TEKT5: variants seen among roughly 807,000 people sequenced by gnomAD.
TEKT5 encodes the protein tektin-5.
TEKT5 carries 52 observed loss-of-function variants against 48.7 expected under a neutral mutation model. The observed-to-expected ratio is 1.07, with a 90% CI of 0.86 to 1.35. TEKT5 has a LOEUF of 1.35. TEKT5 is among the 40% of genes most tolerant of loss of function. The pLI is 0.00. For synonymous variants in TEKT5, 318 were observed against 267.6 expected (o/e 1.19, Z -1.84); for missense variants, 831 against 641.6 (o/e 1.30, Z -3.19).
At chr16:10,675,063 T>G (rs1203390567) in intron 5 of TEKT5, among the ~76,000 whole-genome samples, 1 of 152,128 alleles carries the variant, frequency 6.6e-6, no homozygotes, top group African/African-American at 2.4e-5. Context: ...TGGCCTCAAA[T>G]GATCTGCCCG....
chr16:10,673,974 G>C (rs926910810), intron 5 of TEKT5, among the ~76,000 whole-genome samples: 3 of 151,940 alleles, frequency 2.0e-5, no homozygotes, highest in Admixed American at 6.6e-5. Context: ...CTTAACCTCT[G>C]CGTCCCTTCT....
At chr16:10,679,811 C>T (rs978743859) in intron 4 of TEKT5, among the ~76,000 whole-genome samples, 2 of 152,148 alleles carry the variant, frequency 1.3e-5, no homozygotes, top group East Asian at 1.9e-4. Context: ...GCAGGAGCAT[C>T]GCTTGAACCC....
rs574997164 is a variant in TEKT5, at chr16:10,690,913, G to A, written c.565-888C>T. Reference sequence around the variant, plus strand: ...AGAAATGGGAGGGGGTCACTGACCCGTGCCACAAGGATTTCCGGAGCCCCT... The same window carrying A: ...AGAAATGGGAGGGGGTCACTGACCCATGCCACAAGGATTTCCGGAGCCCCT... On this transcript the variant is annotated intron_variant, in intron 1 of 6. Coordinates refer to ENST00000283025, the MANE Select transcript of TEKT5 (RefSeq NM_144674.2). 1.1e-4 allele frequency among the ~76,000 whole-genome samples: 16 copies of A among 152,308 alleles called. No homozygotes were observed. In the East Asian group the frequency reaches 1.4e-3, roughly 13 times the overall value.
At chr16:10,646,904 C>A (rs12926860) in intron 5 of TEKT5, among the ~76,000 whole-genome samples, 1 of 152,062 alleles carries the variant, frequency 6.6e-6, no homozygotes, top group Admixed American at 6.6e-5. Context: ...ACACTCAATG[C>A]GGCAACACCT....
At chr16:10,678,668 A>G (rs1452083622) in intron 4 of TEKT5, among the ~76,000 whole-genome samples, 22 of 152,204 alleles carry the variant, frequency 1.4e-4, no homozygotes, top group Admixed American at 1.4e-3. Context: ...GGAGACAATA[A>G]GGACAGCAGA....
chr16:10,639,660 A>T (rs1006283573), intron 5 of TEKT5, among the ~76,000 whole-genome samples: 6 of 152,236 alleles, frequency 3.9e-5, no homozygotes, highest in Admixed American at 6.5e-5. Flanking sequence ...ATAAGACACC[A>T]ATACATTGAA....
chr16:10,692,052 G>C (rs1171923027), intron 1 of TEKT5, among the ~76,000 whole-genome samples: 1 of 152,152 alleles, frequency 6.6e-6, no homozygotes, highest in East Asian at 1.9e-4. Context: ...GGGAGACCAG[G>C]TGGCTTACAT....
intron 4 of TEKT5, among the ~76,000 whole-genome samples, chr16:10,677,482 C>T (rs970916155): frequency 2.7e-5 from 4 of 145,856 alleles, no homozygotes; most frequent in Non-Finnish European, 4.4e-5. Flanking sequence ...TGGTGGCACA[C>T]GCCTGTAATC....
At chr16:10,681,559 G>T (rs1005064898) in intron 4 of TEKT5, among the ~76,000 whole-genome samples, 1 of 151,614 alleles carries the variant, frequency 6.6e-6, no homozygotes, top group Non-Finnish European at 1.5e-5. Context: ...GCCGACCCCA[G>T]TTGGTCTCCC....
At chr16:10,673,531 C>T (rs751974013) in intron 5 of TEKT5, among the ~76,000 whole-genome samples, 3 of 152,096 alleles carry the variant, frequency 2.0e-5, no homozygotes, top group Non-Finnish European at 4.4e-5. Context: ...TTGCCTTCTC[C>T]AGGTATCTCA....
chr16:10,687,353 A>G (rs918993530), intron 3 of TEKT5, among the ~76,000 whole-genome samples: 18 of 152,254 alleles, frequency 1.2e-4, no homozygotes, highest in Non-Finnish European at 2.2e-4. Flanking sequence ...TCAATTAAAA[A>G]TGAATAAGTA....
At chr16:10,658,308 G>A (rs1035620744) in intron 5 of TEKT5, among the ~76,000 whole-genome samples, 1 of 152,124 alleles carries the variant, frequency 6.6e-6, no homozygotes, top group Non-Finnish European at 1.5e-5. Flanking sequence ...CAAAAGATTT[G>A]TGCAAGAATG....
Position 10,689,966 on chromosome 16 carries a change from G to T in TEKT5, c.624C>A (p.Asp208Glu), listed in dbSNP as rs760802490. ...EKRIGIDLVH[D>E]NVEKNLIREV... ...CCCGGATAAGGTTTTTCTCCACGTT[G>T]TCATGGACCAAATCAATCCCAATCC... Residue 208 changes from aspartate to glutamate, a missense_variant, in exon 2 of 7, where the codon GAC (aspartate) becomes GAA (glutamate). Transcript: ENST00000283025. 2 of 1,614,054 alleles carry T rather than the reference G, an allele frequency of 1.2e-6. No homozygotes were observed. The highest frequency in any genetic ancestry group is 1.7e-6 in the Non-Finnish European group (2 of 1,180,004).
Position 10,627,535 on chromosome 16 carries a change from G to T in TEKT5, c.*48C>A. 6.3e-7 allele frequency: 1 copy of T among 1,594,330 alleles called. No homozygotes were observed. Among genetic ancestry groups the T allele is most frequent in the Non-Finnish European group, 8.6e-7 (1 of 1,163,296 alleles). On this transcript the variant is annotated 3_prime_UTR_variant, in exon 7 of 7. Transcript: ENST00000283025. ...AAATACTGTTTTACTTTGTTTCTCA[G>T]CCTTTTCCAATTTTACGCCAGCGCG... is the stretch of plus-strand genomic sequence containing the variant.
At chr16:10,679,721 C>T (rs1393476816) in intron 4 of TEKT5, among the ~76,000 whole-genome samples, 2 of 151,744 alleles carry the variant, frequency 1.3e-5, no homozygotes, top group African/African-American at 4.8e-5. Flanking sequence ...ATGCAGAAAC[C>T]CCATCTCTAT....
chr16:10,690,135 C>T (rs776227933), intron 1 of TEKT5, 110 bp from the exon 2 acceptor site: 7 of 1,174,984 alleles, frequency 6.0e-6, no homozygotes, highest in Non-Finnish European at 8.5e-6. Context: ...TCCCGGAAAC[C>T]TGGGTGCTTC....
intron 6 of TEKT5, among the ~76,000 whole-genome samples, 177 bp from the exon 7 acceptor site, chr16:10,627,976 A>G (rs1567222470): frequency 6.6e-6 from 1 of 151,734 alleles, no homozygotes; most frequent in African/African-American, 2.4e-5. Context: ...AGTAGCTGGG[A>G]TTACGGGCAT....
At chr16:10,643,678 C>T (rs1596403011) in intron 5 of TEKT5, among the ~76,000 whole-genome samples, 1 of 152,170 alleles carries the variant, frequency 6.6e-6, no homozygotes, top group East Asian at 1.9e-4. Flanking sequence ...ATATTGACAA[C>T]ATGTAAAAAT....
intron 6 of TEKT5, among the ~76,000 whole-genome samples, chr16:10,630,330 G>A (rs192631973): frequency 1.3e-5 from 2 of 152,006 alleles, no homozygotes; most frequent in Admixed American, 1.3e-4. Flanking sequence ...CAAACCTCTG[G>A]GTTCAAGAGA....
Sources: allele counts gnomAD v4.1 joint callset (sites outside exome capture counted in the v4.1 genomes callset), GRCh38; gene constraint gnomAD v4.1.1; transcripts MANE v1.5; gene names NCBI Gene and HGNC (gene_info 2026-07-23, HGNC 2026-07-21).